SETX: variants seen among roughly 807,000 people sequenced by gnomAD.
The protein encoded by SETX is helicase senataxin.
SETX carries 90 observed loss-of-function variants against 227.2 expected under a neutral mutation model. The observed-to-expected ratio is 0.40, with a 90% CI of 0.33 to 0.47. The LOEUF is 0.47. Ranked by LOEUF, SETX falls within the 20% of genes least tolerant of loss-of-function variation. The pLI is 0.91. For synonymous variants in SETX, 1,210 were observed against 1,113.2 expected (o/e 1.09, Z -1.73); for missense variants, 3,052 against 3,181.5 (o/e 0.96, Z 0.98).
At position 132,346,397 on chromosome 9, in the gene SETX, A is replaced by T; in HGVS notation, c.252T>A (p.Asp84Glu). The stretch of plus-strand genomic sequence containing the variant: ...TATTGTCTACTATATATAACTCATC[A>T]TCATCTCCAATTTCTGCCTTCATGG... ...EKSMKAEIGD[D>E]DELYIVDNNG... The change falls in exon 4 of 26, where the codon GAT (aspartate) becomes GAA (glutamate). Residue 84 changes from aspartate to glutamate, a missense_variant. By Grantham distance (45) the Asp-to-Glu change is conservative (BLOSUM62 2). This residue lies in a region of SETX where 152 missense variants were observed against 156.2 expected (regional missense o/e 0.97). Coordinates refer to ENST00000224140, the MANE Select transcript of SETX (RefSeq NM_015046.7). The T allele has an allele frequency of 6.2e-7, 1 of 1,613,924 alleles. No individual in the cohort carries two copies. The highest frequency in any genetic ancestry group is 8.5e-7 in the Non-Finnish European group (1 of 1,179,854).
At chr9:132,271,879 A>C (rs1842921136) in intron 23 of SETX, 71 bp from the exon 24 acceptor site, 1 of 1,383,608 alleles carries the variant, frequency 7.2e-7, no homozygotes, top group African/African-American at 1.5e-5. Context: ...TTTATAAACT[A>C]GTTTTTTGGT....
In SETX at chr9:132,300,815, G is replaced by A. The variant is rs1056846779; in HGVS notation, c.5375-12C>T. ...TTCTTCCAGATAAACTATGAAACAA[G>A]AAGAAGTCGGAATTCATATAACTCT... On this transcript the variant is annotated splice_polypyrimidine_tract_variant and intron_variant, in intron 11 of 25. Coordinates refer to ENST00000224140, the MANE Select transcript of SETX (RefSeq NM_015046.7). 1 of 1,605,598 alleles carries A rather than the reference G, an allele frequency of 6.2e-7. No individual in the cohort carries two copies. The highest frequency in any genetic ancestry group is 8.5e-7 in the Non-Finnish European group (1 of 1,177,676).
At chr9:132,271,843 A>G in intron 23 of SETX, 35 bp from the exon 24 acceptor site, 1 of 1,560,202 alleles carries the variant, frequency 6.4e-7, no homozygotes, top group Non-Finnish European at 8.8e-7. Flanking sequence ...TACTGGAAAA[A>G]GGAAGATAAT....
At chr9:132,272,633 T>G (rs1434986664) in intron 23 of SETX, among the ~76,000 whole-genome samples, 1 of 152,196 alleles carries the variant, frequency 6.6e-6, no homozygotes, top group Non-Finnish European at 1.5e-5. Context: ...AACATTTTCT[T>G]GGAGGTTAGC....
intron 12 of SETX, among the ~76,000 whole-genome samples, chr9:132,299,064 G>A (rs7848577): frequency 2.0e-5 from 3 of 152,030 alleles, no homozygotes; most frequent in Non-Finnish European, 4.4e-5. Context: ...TGGACCAGGA[G>A]GCACTAGTAG....
Position 132,311,832 on chromosome 9 carries a change from G to T in SETX, c.5299C>A (p.Pro1767Thr). ...ETVAQEWLNS[P>T]NRENFYQLQV... ...AACTGATAGAAATTCTCTCTATTTG[G>T]AGAGTTGAGCCATTCTTGTGCCACC... Residue 1767 changes from proline (P) to threonine (T), a missense_variant, in exon 11 of 26, where the codon CCA becomes ACA. Pro to Thr is a conservative substitution (Grantham distance 38). Coordinates refer to ENST00000224140, the MANE Select transcript of SETX (RefSeq NM_015046.7). 6.2e-7 allele frequency: 1 copy of T among 1,613,478 alleles called. No individual in the cohort carries two copies. The highest frequency in any genetic ancestry group is 8.5e-7 in the Non-Finnish European group (1 of 1,179,738).
At chr9:132,355,517 C>G (rs547265218), upstream of SETX, among the ~76,000 whole-genome samples, 4 of 152,352 alleles carry the variant, frequency 2.6e-5, no homozygotes, top group South Asian at 6.2e-4. Context: ...TTAGGTCTTG[C>G]GAACAATGCG....
At chr9:132,349,116 A>C in intron 3 of SETX, 136 bp downstream of exon 3, 1 of 896,660 alleles carries the variant, frequency 1.1e-6, no homozygotes, top group Admixed American at 2.3e-5. Flanking sequence ...CAACAAAAAC[A>C]AAACAAAAAC....
intron 11 of SETX, among the ~76,000 whole-genome samples, chr9:132,305,752 T>G (rs115363008): frequency 6.6e-6 from 1 of 152,200 alleles, no homozygotes; most frequent in Non-Finnish European, 1.5e-5. Flanking sequence ...AGGACCTAAG[T>G]GTCCTAGACT....
chr9:132,277,524 A>C (rs1843227829), intron 21 of SETX, among the ~76,000 whole-genome samples: 1 of 152,192 alleles, frequency 6.6e-6, no homozygotes, highest in South Asian at 2.1e-4. Flanking sequence ...CTCGCCTGTA[A>C]TCCCAGCACT....
chr9:132,281,219 T>C (rs774280637), intron 20 of SETX, among the ~76,000 whole-genome samples: 1 of 152,122 alleles, frequency 6.6e-6, no homozygotes, highest in Middle Eastern at 3.2e-3. Context: ...CCATGGCACG[T>C]CATCCATCTA....
chr9:132,320,593 CAAAAAAAAAAAAAAA>C (rs141457619), intron 10 of SETX, among the ~76,000 whole-genome samples: 1 of 61,068 alleles, frequency 1.6e-5, no homozygotes. Context: ...GACTCCAACT[CAAAAAAAAAAAAAAA>C]AAAAAAAAAA....
chr9:132,331,963 T>C (rs1238178482), intron 7 of SETX, among the ~76,000 whole-genome samples: 1 of 152,204 alleles, frequency 6.6e-6, no homozygotes, highest in African/African-American at 2.4e-5. Flanking sequence ...ACGCATCTAG[T>C]GTAAATGACT....
At chr9:132,289,788 A>G (rs1844180547) in intron 15 of SETX, among the ~76,000 whole-genome samples, 1 of 152,222 alleles carries the variant, frequency 6.6e-6, no homozygotes, top group Admixed American at 6.5e-5. Context: ...TATAAAAACC[A>G]ATTTAACCTG....
In SETX at chr9:132,326,878, C is replaced by A. The variant is rs1226860647; in HGVS notation, c.4720G>T (p.Ala1574Ser). 1.2e-6 allele frequency: 2 copies of A among 1,614,076 alleles called. No individual in the cohort carries two copies. Among genetic ancestry groups the A allele is most frequent in the Non-Finnish European group, 1.7e-6 (2 of 1,180,042 alleles). Residue 1574 changes from alanine to serine, a missense_variant, in exon 10 of 26, where the codon GCA becomes TCA. Physicochemically the swap from Ala to Ser is moderately conservative, Grantham distance 99. Coordinates refer to ENST00000224140, the MANE Select transcript of SETX (RefSeq NM_015046.7). The stretch of plus-strand genomic sequence containing the variant: ...GGTTTACGAAATACATCTTCATCTG[C>A]TGCTTTCACTTCAGAGTGTTTTGGG... ...YCPKHSEVKAADEDVFRKPGL... is the reference protein window; with the variant it reads ...YCPKHSEVKASDEDVFRKPGL...
chr9:132,267,004 T>C (rs1842681995), intron 25 of SETX, among the ~76,000 whole-genome samples: 1 of 152,236 alleles, frequency 6.6e-6, no homozygotes, highest in African/African-American at 2.4e-5. Context: ...ATTTTCTATG[T>C]ATGGATAAGA....
At chr9:132,311,934 A>G (rs1057459266) in intron 10 of SETX, 78 bp from the exon 11 acceptor site, 1 of 1,108,982 alleles carries the variant, frequency 9.0e-7, no homozygotes, top group Middle Eastern at 2.1e-4. Context: ...TCCAAAGTTA[A>G]GCAACAGTAA....
intron 4 of SETX, among the ~76,000 whole-genome samples, chr9:132,343,111 A>G (rs1205025996): frequency 1.3e-5 from 2 of 152,094 alleles, no homozygotes; most frequent in African/African-American, 4.8e-5. Flanking sequence ...CAAGGTCAGG[A>G]GATCGAGAAC....
At chr9:132,268,253 T>C (rs903436822) in intron 25 of SETX, among the ~76,000 whole-genome samples, 1 of 152,222 alleles carries the variant, frequency 6.6e-6, no homozygotes, top group East Asian at 1.9e-4. Context: ...GTTCCCCAAA[T>C]AGTGATAAAA....
Sources: gnomAD v4.1 joint callset for allele counts (sites outside exome capture counted in the v4.1 genomes callset) on GRCh38, gnomAD v4.1.1 for gene constraint, gnomAD v4.1.1 regional missense constraint, MANE v1.5 for transcripts, NCBI Gene and HGNC (gene_info 2026-07-23, HGNC 2026-07-21) for gene names.